Variants in LMAN1 observed in about 807,000 individuals in gnomAD.
LMAN1 encodes protein ERGIC-53.
A neutral mutation model predicts 67.8 loss-of-function variants in LMAN1; 32 were observed. The observed-to-expected ratio is 0.47, with a 90% confidence interval of 0.36 to 0.63. The LOEUF is 0.63. LMAN1 is among the 30% of genes least tolerant of loss of function. The probability of loss-of-function intolerance (pLI) is 0.00; values close to 1 mark genes in which losing one functional copy is unlikely to be tolerated. For missense variants in LMAN1, 632 were observed against 628.2 expected (o/e 1.01, Z -0.06); for synonymous variants, 235 against 219.3 (o/e 1.07, Z -0.63).
chr18:59,331,877 G>A (rs1028677638), intron 11 of LMAN1, among the ~76,000 whole-genome samples: 1 of 152,132 alleles, frequency 6.6e-6, no homozygotes, highest in African/African-American at 2.4e-5. Context: ...CACGCTTGCT[G>A]TAGTGGTGTG....
chr18:59,348,278 G>C (rs1376327062), intron 6 of LMAN1, among the ~76,000 whole-genome samples: 1 of 152,182 alleles, frequency 6.6e-6, no homozygotes. Flanking sequence ...TGTTTTTACG[G>C]AATCTAGAGA....
intron 8 of LMAN1, among the ~76,000 whole-genome samples, chr18:59,339,712 G>GGGGGGACAC (rs1277201893): frequency 2.6e-5 from 4 of 152,152 alleles, no homozygotes; most frequent in African/African-American, 9.7e-5. Context: ...AAGGAGAGAA[G>GGGGGGACAC]GGGGGACACT....
chr18:59,359,138 T>A lies in LMAN1; in HGVS notation c.107A>T (p.Asp36Val), dbSNP rs779959172. Residue 36 changes from aspartate (D) to valine (V), a missense_variant, in exon 1 of 13, where the codon GAC becomes GTC. Asp to Val is a radical substitution (Grantham distance 152). Transcript: ENST00000251047. ...GCGATGTGGCAACGCGACCGCGGGG[T>A]CTCCTCCCACGCCGTCGCCCCGGAC... ...RFVRGDGVGG[D>V]PAVALPHRRF... is the part of the protein sequence containing the mutation. The A allele has an allele frequency of 6.2e-7, 1 of 1,613,774 alleles. No homozygotes were observed. The highest frequency in any genetic ancestry group is 8.5e-7 in the Non-Finnish European group (1 of 1,179,900).
In LMAN1 at chr18:59,333,226, G is replaced by A. The variant is rs138275646; in HGVS notation, c.1239C>T (p.Thr413=). The A allele has an allele frequency of 3.3e-5, 54 of 1,613,036 alleles. No homozygotes were observed. Among genetic ancestry groups the A allele is most frequent in the African/African-American group, 4.0e-5 (3 of 74,710 alleles). ...GCTGCATTCCACTGACCAGTCTGACGGTTTCACTCATGGAATTTCTGAAAC... is the reference window on the plus strand; with the variant it reads ...GCTGCATTCCACTGACCAGTCTGACAGTTTCACTCATGGAATTTCTGAAAC... ...VNEMKNSMSE[T]VRLVSGMQHP... The change falls in exon 11 of 13, where the codon ACC becomes ACT. Residue 413 remains threonine (T), a synonymous_variant. Coordinates refer to ENST00000251047, the MANE Select transcript of LMAN1 (RefSeq NM_005570.4).
At chr18:59,339,110 A>G (rs1908231282) in intron 8 of LMAN1, among the ~76,000 whole-genome samples, 157 bp from the exon 9 acceptor site, 1 of 152,222 alleles carries the variant, frequency 6.6e-6, no homozygotes, top group African/African-American at 2.4e-5. Context: ...TAATTAATTC[A>G]ATAATGATTA....
intron 7 of LMAN1, among the ~76,000 whole-genome samples, chr18:59,346,658 C>CTA (rs984245217): frequency 1.3e-5 from 2 of 151,746 alleles, no homozygotes; most frequent in African/African-American, 4.8e-5. Context: ...GTAGCTGGAA[C>CTA]TATAGGTGTG....
chr18:59,348,124 T>C (rs1258121871), intron 6 of LMAN1, among the ~76,000 whole-genome samples: 3 of 152,202 alleles, frequency 2.0e-5, no homozygotes, highest in Admixed American at 1.3e-4. Flanking sequence ...TATCAAAAAA[T>C]CAAATTCAAG....
rs138046557 is a variant in LMAN1, at chr18:59,335,933, A to G, written c.1220+2624T>C. Reference sequence around the variant, plus strand: ...TTATATGCATACTCAAGTGAAACCAATAAGTAAATATGTTATAGATACAGA... The same window carrying G: ...TTATATGCATACTCAAGTGAAACCAGTAAGTAAATATGTTATAGATACAGA... On this transcript the variant is annotated intron_variant, in intron 10 of 12. Transcript: ENST00000251047. Among the ~76,000 whole-genome samples, 146 of 152,368 alleles carry G rather than the reference A, an allele frequency of 9.6e-4. No homozygotes were observed. In the East Asian group the frequency reaches 0.014, roughly 15 times the overall value.
At position 59,355,624 on chromosome 18, in the gene LMAN1, T is replaced by C. The variant is rs764368056; in HGVS notation, c.249A>G (p.Ala83=). ...AIPSSDQIRV[A]PSLKSQRGSV... The stretch of plus-strand genomic sequence containing the variant: ...AGCCTCTTTGGCTTTTTAAAGATGG[T>C]GCTACTCGAATTTGATCTGAACTTG... The change falls in exon 2 of 13, where the codon GCA becomes GCG. Residue 83 remains alanine, a synonymous_variant. Coordinates refer to ENST00000251047, the MANE Select transcript of LMAN1 (RefSeq NM_005570.4). 1 of 1,614,058 alleles carries C rather than the reference T, an allele frequency of 6.2e-7. No individual in the cohort carries two copies. The highest frequency in any genetic ancestry group is 2.2e-5 in the East Asian group (1 of 44,878).
intron 12 of LMAN1, 132 bp from the exon 13 acceptor site, chr18:59,331,261 C>T: frequency 9.6e-7 from 1 of 1,046,036 alleles, no homozygotes; most frequent in Non-Finnish European, 1.5e-6. Context: ...ATATATTCTA[C>T]ACGTGCACTT....
At chr18:59,337,631 T>C (rs1260658822) in intron 10 of LMAN1, among the ~76,000 whole-genome samples, 1 of 152,230 alleles carries the variant, frequency 6.6e-6, no homozygotes, top group Non-Finnish European at 1.5e-5. Context: ...AGTCTATTTC[T>C]AAAAGGATTC....
At position 59,329,455 on chromosome 18, in the gene LMAN1, G is replaced by T. The variant is rs1283236072; in HGVS notation, c.*1638C>A. On this transcript the variant is annotated 3_prime_UTR_variant, in exon 13 of 13. Transcript: ENST00000251047. ...AAGGTATTTAATTTTTTTTCATGGA[G>T]CAAGAGTAAATTCTGTGATGATGAA... 2 of 151,992 alleles carry T rather than the reference G, an allele frequency of 1.3e-5. No homozygotes were observed. The highest frequency in any genetic ancestry group is 2.9e-5 in the Non-Finnish European group (2 of 67,988). The allele number at this position is 151,992 out of a possible 1,614,324, so 9.4% of individuals were successfully genotyped here.
chr18:59,349,341 A>T (rs1908491007), intron 5 of LMAN1, 105 bp from the exon 6 acceptor site: 16 of 1,039,360 alleles, frequency 1.5e-5, no homozygotes, highest in Admixed American at 8.0e-5. Flanking sequence ...ATTATTATAA[A>T]GAGTAATTTT....
intron 1 of LMAN1, among the ~76,000 whole-genome samples, chr18:59,355,897 A>G (rs1041244695): frequency 2.0e-5 from 3 of 152,208 alleles, no homozygotes; most frequent in Non-Finnish European, 4.4e-5. Flanking sequence ...GGGTGAGAGA[A>G]AGGGAATTAT....
chr18:59,331,569 T>C, intron 11 of LMAN1, 30 bp from the exon 12 acceptor site: 1 of 1,609,758 alleles, frequency 6.2e-7, no homozygotes, highest in Non-Finnish European at 8.5e-7. Context: ...CTATTACAGT[T>C]AGTCAAAATA....
At chr18:59,339,338 A>G (rs1389633883) in intron 8 of LMAN1, among the ~76,000 whole-genome samples, 2 of 152,186 alleles carry the variant, frequency 1.3e-5, no homozygotes, top group Admixed American at 6.5e-5. Context: ...GCTAGGATTC[A>G]TCAGAGAAGA....
chr18:59,344,608 G>C (rs552398900), intron 8 of LMAN1, among the ~76,000 whole-genome samples: 3 of 151,552 alleles, frequency 2.0e-5, no homozygotes, highest in Non-Finnish European at 2.9e-5. Flanking sequence ...TAAACAATGG[G>C]TACACATGGA....
intron 11 of LMAN1, among the ~76,000 whole-genome samples, chr18:59,332,537 C>T (rs1156886682): frequency 1.3e-5 from 2 of 152,008 alleles, no homozygotes; most frequent in African/African-American, 4.8e-5. Context: ...GGTCATCAAA[C>T]GTTTTAAAAA....
intron 8 of LMAN1, among the ~76,000 whole-genome samples, chr18:59,340,508 A>C (rs79813237): frequency 5.3e-5 from 8 of 152,086 alleles, no homozygotes; most frequent in Non-Finnish European, 8.8e-5. Context: ...AAAAAAAAAA[A>C]CTGTCAGCCA....
Sources: allele counts gnomAD v4.1 joint callset (sites outside exome capture counted in the v4.1 genomes callset), GRCh38; gene constraint gnomAD v4.1.1; transcripts MANE v1.5; gene names NCBI Gene and HGNC (gene_info 2026-07-23, HGNC 2026-07-21).